Variants in CCDC158 observed in about 807,000 individuals in gnomAD.
CCDC158 encodes coiled-coil domain-containing protein 158.
Under a neutral mutation model 138.6 loss-of-function variants are expected in CCDC158, and 116 were observed. The ratio of observed to expected loss-of-function variants is 0.84; its 90% CI spans 0.72 to 0.98. CCDC158 has a LOEUF of 0.98. CCDC158 is among the 50% of genes least tolerant of loss of function. The probability of loss-of-function intolerance (pLI) is 0.00; values close to 1 mark genes in which losing one functional copy is unlikely to be tolerated. For missense variants in CCDC158, 1,265 were observed against 1,306.1 expected (o/e 0.97, Z 0.48); for synonymous variants, 436 against 442.4 (o/e 0.99, Z 0.18).
chr4:76,370,495 T>C (rs1725127749), intron 10 of CCDC158, among the ~76,000 whole-genome samples: 1 of 152,096 alleles, frequency 6.6e-6, no homozygotes, highest in Admixed American at 6.6e-5. Context: ...AGTTGAACAG[T>C]GACATCATCG....
chr4:76,349,070 A>G (rs1289647896), intron 18 of CCDC158, among the ~76,000 whole-genome samples: 2 of 152,176 alleles, frequency 1.3e-5, no homozygotes, highest in Non-Finnish European at 2.9e-5. Context: ...TCAGAGAAAA[A>G]ACTACCTCCA....
intron 10 of CCDC158, among the ~76,000 whole-genome samples, chr4:76,370,339 G>A (rs945454681): frequency 1.3e-5 from 2 of 152,208 alleles, no homozygotes; most frequent in Non-Finnish European, 2.9e-5. Flanking sequence ...GTAGAGATTA[G>A]GAAGAAGGGA....
intron 11 of CCDC158, among the ~76,000 whole-genome samples, chr4:76,368,363 A>G (rs1318645778): frequency 3.3e-5 from 5 of 152,178 alleles, no homozygotes; most frequent in Non-Finnish European, 7.4e-5. Context: ...ACACATTCAT[A>G]TTCTCTGATC....
intron 8 of CCDC158, among the ~76,000 whole-genome samples, chr4:76,380,905 T>G (rs1392823368): frequency 6.6e-6 from 1 of 152,184 alleles, no homozygotes; most frequent in Admixed American, 6.5e-5. Context: ...ATGGCTAAAA[T>G]GGGCCAAGGT....
At chr4:76,344,431 TG>T in intron 18 of CCDC158, 1 of 622,572 alleles carries the variant, frequency 1.6e-6, no homozygotes, top group South Asian at 1.9e-5. Flanking sequence ...CACAGTGAGT[TG>T]TAAGTGAAGT....
At chr4:76,374,155 T>A (rs891728120) in intron 9 of CCDC158, among the ~76,000 whole-genome samples, 10 of 151,812 alleles carry the variant, frequency 6.6e-5, no homozygotes, top group Admixed American at 6.6e-4. Flanking sequence ...GACACTCTCT[T>A]AAAAAAACAA....
At chr4:76,348,072 C>T (rs1442598215) in intron 18 of CCDC158, among the ~76,000 whole-genome samples, 1 of 152,014 alleles carries the variant, frequency 6.6e-6, no homozygotes, top group East Asian at 1.9e-4. Flanking sequence ...TAGATGGCAC[C>T]TTCTATGTGT....
At position 76,326,778 on chromosome 4, in the gene CCDC158, A is replaced by C. The variant is rs951899832; in HGVS notation, c.3011-763T>G. 2.0e-5 allele frequency among the ~76,000 whole-genome samples: 3 copies of C among 152,314 alleles called. 1 individual carries two copies. The South Asian group carries it at 6.2e-4, about 32-fold the overall frequency. On this transcript the variant is annotated intron_variant, in intron 22 of 24. Coordinates refer to ENST00000682701, the MANE Select transcript of CCDC158 (RefSeq NM_001394954.1). ...GAAAAAAATGCCAATCTAGAATTCT[A>C]TACTCAGCAAAAATATTCTTCAAAA...
At chr4:76,349,769 A>T (rs1722885787) in intron 18 of CCDC158, among the ~76,000 whole-genome samples, 1 of 152,260 alleles carries the variant, frequency 6.6e-6, no homozygotes, top group Non-Finnish European at 1.5e-5. Flanking sequence ...CATTCTTAAT[A>T]ATCAAGTACA....
Position 76,396,241 on chromosome 4 carries a change from T to C in CCDC158, c.288+28A>G, listed in dbSNP as rs1432875862. ...TCTCACTGTTGTCCCCCAAATAGCATCAGGTGCTAGAAGAGAAGGCAACTC... is the reference window on the plus strand; with the variant it reads ...TCTCACTGTTGTCCCCCAAATAGCACCAGGTGCTAGAAGAGAAGGCAACTC... On this transcript the variant is annotated intron_variant, in intron 4 of 24. Coordinates refer to ENST00000682701, the MANE Select transcript of CCDC158 (RefSeq NM_001394954.1). 4 of 1,505,888 alleles carry C rather than the reference T, an allele frequency of 2.7e-6. No individual in the cohort carries two copies. The East Asian group carries it at 9.1e-5, about 34-fold the overall frequency. The allele number at this position is 1,505,888 out of a possible 1,614,324, so 93.3% of individuals were successfully genotyped here.
intron 1 of CCDC158, among the ~76,000 whole-genome samples, 38 bp downstream of exon 1, chr4:76,420,927 C>G (rs1227863837): frequency 1.3e-5 from 2 of 152,186 alleles, no homozygotes; most frequent in Admixed American, 1.3e-4. Context: ...CACTCCCACC[C>G]CACCATCCTC....
rs543722116 is a variant in CCDC158 at position 76,369,014 on chromosome 4, G to A, written c.1347+412C>T. ...GCAGATCATGAGGTCATGAGATCGAGACCATCCTGGCTAACATGGTGAAAC... is the reference window on the plus strand; with the variant it reads ...GCAGATCATGAGGTCATGAGATCGAAACCATCCTGGCTAACATGGTGAAAC... On this transcript the variant is annotated intron_variant, in intron 11 of 24. Coordinates refer to ENST00000682701, the MANE Select transcript of CCDC158 (RefSeq NM_001394954.1). 7.4e-4 allele frequency among the ~76,000 whole-genome samples: 113 copies of A among 152,236 alleles called. 1 individual carries two copies. The highest frequency in any genetic ancestry group is 7.3e-3 in the South Asian group (35 of 4,820).
At chr4:76,343,249 C>T (rs1236843547) in intron 18 of CCDC158, among the ~76,000 whole-genome samples, 1 of 152,096 alleles carries the variant, frequency 6.6e-6, no homozygotes, top group Non-Finnish European at 1.5e-5. Flanking sequence ...GGAAACTGAT[C>T]AGCCCAAGAA....
chr4:76,393,062 G>A (rs1462172202), intron 4 of CCDC158, among the ~76,000 whole-genome samples: 1 of 151,984 alleles, frequency 6.6e-6, no homozygotes, highest in Non-Finnish European at 1.5e-5. Context: ...ACAATCCAAA[G>A]CAATCTACAG....
chr4:76,354,150 C>A (rs1002974271), intron 15 of CCDC158, among the ~76,000 whole-genome samples: 1 of 144,514 alleles, frequency 6.9e-6, no homozygotes, highest in Non-Finnish European at 1.5e-5. Flanking sequence ...GCAAGGCAGG[C>A]ATCTTTGTTG....
At chr4:76,336,739 T>C (rs1223593966) in intron 18 of CCDC158, among the ~76,000 whole-genome samples, 1 of 152,136 alleles carries the variant, frequency 6.6e-6, no homozygotes, top group African/African-American at 2.4e-5. Context: ...CCTCCTTACT[T>C]CCTGACACAC....
chr4:76,386,486 A>G (rs1318259797), intron 4 of CCDC158, among the ~76,000 whole-genome samples: 2 of 132,952 alleles, frequency 1.5e-5, no homozygotes, highest in South Asian at 4.8e-4. Flanking sequence ...CCAAAAATTC[A>G]GTAATGGGGC....
chr4:76,393,835 T>C (rs1199514637), intron 4 of CCDC158, among the ~76,000 whole-genome samples: 2 of 152,018 alleles, frequency 1.3e-5, no homozygotes, highest in Non-Finnish European at 2.9e-5. Flanking sequence ...AATAGACATT[T>C]CTCAAAAGAA....
chr4:76,421,309 C>T (rs1340048872), upstream of CCDC158, among the ~76,000 whole-genome samples: 7 of 152,150 alleles, frequency 4.6e-5, 1 homozygote, highest in African/African-American at 1.7e-4. Flanking sequence ...CCTGCGACTC[C>T]GCCCGCCGGA....
Sources: allele counts gnomAD v4.1 joint callset (sites outside exome capture counted in the v4.1 genomes callset), GRCh38; gene constraint gnomAD v4.1.1; transcripts MANE v1.5; gene names NCBI Gene and HGNC (gene_info 2026-07-23, HGNC 2026-07-21).